NRXN3: variants seen among roughly 807,000 people sequenced by gnomAD.
NRXN3 encodes the protein neurexin III.
Under a neutral mutation model 137.6 loss-of-function variants are expected in NRXN3, and 32 were observed. The observed-to-expected ratio is 0.23, with a 90% CI of 0.18 to 0.31. NRXN3 has a LOEUF of 0.31. Among genes scored for constraint, NRXN3 ranks in the 10% least tolerant of loss-of-function variants. NRXN3 has a pLI of 1.00. For missense variants in NRXN3, 1,574 were observed against 2,062.5 expected (o/e 0.76, Z 4.59); for synonymous variants, 798 against 784.5 (o/e 1.02, Z -0.29).
At position 79,847,822 on chromosome 14, in the gene NRXN3, G is replaced by A. The variant is rs532843678; in HGVS notation, c.4094-13520G>A. ...TATCTTAGCTCCTTTCTCCCAACGTGTTGATACTGGTTAAGATACACAAAA... is the reference window on the plus strand; with the variant it reads ...TATCTTAGCTCCTTTCTCCCAACGTATTGATACTGGTTAAGATACACAAAA... On this transcript the variant is annotated intron_variant, in intron 20 of 20. Coordinates refer to ENST00000335750, the MANE Select transcript of NRXN3 (RefSeq NM_001330195.2). Among the ~76,000 whole-genome samples the A allele has an allele frequency of 4.6e-5, 7 of 151,790 alleles. No homozygotes were observed. In the South Asian group the frequency reaches 1.2e-3, roughly 27 times the overall value.
At chr14:78,992,889 G>A (rs1278764697) in intron 15 of NRXN3, among the ~76,000 whole-genome samples, 2 of 152,148 alleles carry the variant, frequency 1.3e-5, no homozygotes, top group Non-Finnish European at 2.9e-5. Flanking sequence ...ACTTTATGAG[G>A]TGGGTGCTCA....
intron 16 of NRXN3, among the ~76,000 whole-genome samples, chr14:79,496,243 A>G (rs61995168): frequency 7.3e-6 from 1 of 136,396 alleles, no homozygotes; most frequent in Non-Finnish European, 1.6e-5. Context: ...TCTCTCACAC[A>G]CACACACACA....
At chr14:78,986,431 A>C (rs2099504921) in intron 14 of NRXN3, among the ~76,000 whole-genome samples, 1 of 152,156 alleles carries the variant, frequency 6.6e-6, no homozygotes, top group African/African-American at 2.4e-5. Context: ...AGAATGGTTG[A>C]AGAGAAGTGC....
chr14:78,906,224 C>A (rs2099216039), intron 10 of NRXN3, among the ~76,000 whole-genome samples: 1 of 152,038 alleles, frequency 6.6e-6, no homozygotes, highest in South Asian at 2.1e-4. Context: ...ACTGCAAATT[C>A]ATCAAAGGCT....
rs2096704348 is a variant in NRXN3, at chr14:78,552,681, ATAAATAAG to A, written c.758-92436_758-92429del. Among the ~76,000 whole-genome samples, 4 of 152,320 alleles carry A rather than the reference ATAAATAAG, an allele frequency of 2.6e-5. No individual in the cohort carries two copies. The South Asian group carries it at 8.3e-4, about 32-fold the overall frequency. On this transcript the variant is annotated intron_variant, in intron 4 of 20. Transcript: ENST00000335750. ...ATCTCTGTCTCCAATAAATAAATAA[ATAAATAAG>A]TAGTAATTAGAAATAAATAAACAAC...
chr14:78,512,134 A>G (rs1293030003), intron 4 of NRXN3, among the ~76,000 whole-genome samples: 1 of 152,144 alleles, frequency 6.6e-6, no homozygotes. Flanking sequence ...GATGATGATG[A>G]AGGATTCATG....
chr14:79,620,344 C>T (rs1603207452), intron 16 of NRXN3, among the ~76,000 whole-genome samples: 1 of 152,224 alleles, frequency 6.6e-6, no homozygotes, highest in East Asian at 1.9e-4. Flanking sequence ...ATGTCAAGTA[C>T]TTGTCTTCCT....
At chr14:79,736,897 G>T (rs1054006420) in intron 19 of NRXN3, among the ~76,000 whole-genome samples, 9 of 152,174 alleles carry the variant, frequency 5.9e-5, no homozygotes, top group African/African-American at 1.9e-4. Context: ...GGCTCCACAG[G>T]TGAGAGGGAA....
At chr14:79,236,575 G>C (rs1055262643) in intron 15 of NRXN3, among the ~76,000 whole-genome samples, 1 of 152,048 alleles carries the variant, frequency 6.6e-6, no homozygotes, top group Non-Finnish European at 1.5e-5. Context: ...TCTCAGGGTA[G>C]AAAAATATAT....
At chr14:78,723,867 A>C (rs1011764079) in intron 8 of NRXN3, among the ~76,000 whole-genome samples, 1 of 152,112 alleles carries the variant, frequency 6.6e-6, no homozygotes, top group African/African-American at 2.4e-5. Flanking sequence ...TACAGGTTAG[A>C]GTTTAAAATT....
chr14:79,224,859 C>T (rs555493107), intron 15 of NRXN3, among the ~76,000 whole-genome samples: 6 of 152,320 alleles, frequency 3.9e-5, no homozygotes, highest in South Asian at 4.1e-4. Context: ...TTGCTGCCAA[C>T]TACCAACAGC....
intron 10 of NRXN3, among the ~76,000 whole-genome samples, chr14:78,893,751 G>A (rs150786): frequency 0.36 from 54,631 of 151,678 alleles, 12,728 homozygotes; most frequent in African/African-American, 0.66. Context: ...GAGAAATTTA[G>A]AAGTCCTTTA....
intron 15 of NRXN3, among the ~76,000 whole-genome samples, chr14:79,019,375 T>G (rs571162746): frequency 3.3e-4 from 51 of 152,318 alleles, no homozygotes; most frequent in African/African-American, 1.2e-3. Context: ...TCTTTCCAAA[T>G]AACAGCATCT....
chr14:79,165,692 A>G (rs1470194682), intron 15 of NRXN3, among the ~76,000 whole-genome samples: 3 of 151,964 alleles, frequency 2.0e-5, no homozygotes, highest in Non-Finnish European at 2.9e-5. Context: ...ACTGCACATG[A>G]CTGATGTGTG....
At chr14:79,138,747 T>C (rs957580605) in intron 15 of NRXN3, among the ~76,000 whole-genome samples, 1 of 152,194 alleles carries the variant, frequency 6.6e-6, no homozygotes, top group African/African-American at 2.4e-5. Flanking sequence ...AGGCTAAAAA[T>C]AGTTCTTGAT....
At chr14:78,396,515 G>T (rs1384124368) in intron 4 of NRXN3, among the ~76,000 whole-genome samples, 3 of 152,122 alleles carry the variant, frequency 2.0e-5, no homozygotes, top group Non-Finnish European at 4.4e-5. Context: ...AAGGTAGGTG[G>T]TCTGGCAATA....
chr14:79,348,378 C>CTCTCTCTTTTTTTTTTTTTTTTTTTT (rs535595782), intron 15 of NRXN3, among the ~76,000 whole-genome samples: 1 of 135,974 alleles, frequency 7.4e-6, no homozygotes, highest in African/African-American at 2.9e-5. Context: ...AATCTTCTCT[C>CTCTCTCTTTTTTTTTTTTTTTTTTTT]TTTTTTTTTT....
chr14:79,561,021 C>G (rs1406989892), intron 16 of NRXN3, among the ~76,000 whole-genome samples: 1 of 152,148 alleles, frequency 6.6e-6, no homozygotes, highest in African/African-American at 2.4e-5. Context: ...CTGTATTTGT[C>G]TTCTCTTTAT....
At chr14:79,853,696 C>A in intron 20 of NRXN3, 1 of 1,257,692 alleles carries the variant, frequency 8.0e-7, no homozygotes, top group Non-Finnish European at 1.0e-6. Flanking sequence ...CTCCCCCTTT[C>A]TTTAGCATTG....
Sources: gnomAD v4.1 joint callset for allele counts (sites outside exome capture counted in the v4.1 genomes callset) on GRCh38, gnomAD v4.1.1 for gene constraint, MANE v1.5 for transcripts, NCBI Gene and HGNC (gene_info 2026-07-23, HGNC 2026-07-21) for gene names.